The following ZFHX3 variants were observed in gnomAD, a reference collection of about 807,000 sequenced individuals.
ZFHX3 encodes the protein zinc finger homeobox protein 3.
A neutral mutation model predicts 279.1 loss-of-function variants in ZFHX3; 42 were observed. That is an observed-to-expected ratio of 0.15 (90% CI 0.12 to 0.19). ZFHX3 has a LOEUF of 0.19. Ranked by LOEUF, ZFHX3 falls within the 10% of genes least tolerant of loss-of-function variation. ZFHX3 has a pLI of 1.00. For missense variants in ZFHX3, 4,981 were observed against 4,754.0 expected (o/e 1.05, Z -1.40); for synonymous variants, 2,293 against 1,957.8 (o/e 1.17, Z -4.52).
intron 6 of ZFHX3, among the ~76,000 whole-genome samples, chr16:73,140,180 G>A (rs772755924): frequency 6.6e-6 from 1 of 151,660 alleles, no homozygotes; most frequent in African/African-American, 2.4e-5. Flanking sequence ...AGTTGGGAAG[G>A]ATTGCTTAAG....
At chr16:73,689,810 G>GTTTTTTT (rs1567552757) in intron 1 of ZFHX3, among the ~76,000 whole-genome samples, 7 of 149,768 alleles carry the variant, frequency 4.7e-5, no homozygotes, top group Non-Finnish European at 7.4e-5. Flanking sequence ...ACAGTTTTTT[G>GTTTTTTT]TTTTTTGTTT....
intron 3 of ZFHX3, among the ~76,000 whole-genome samples, chr16:73,427,269 G>A (rs890426809): frequency 2.0e-5 from 3 of 152,138 alleles, no homozygotes; most frequent in Admixed American, 1.3e-4. Flanking sequence ...TCATTTGTGA[G>A]TGGTAAGGTC....
chr16:72,785,438 T>G lies in ZFHX3; in HGVS notation c.*1726A>C, dbSNP rs1168549729. The G allele has an allele frequency of 6.6e-6, 1 of 152,664 alleles. No individual in the cohort carries two copies. The highest frequency in any genetic ancestry group is 1.5e-5 in the Non-Finnish European group (1 of 68,034). The allele number at this position is 152,664 out of a possible 1,614,324, so 9.5% of individuals were successfully genotyped here. On this transcript the variant is annotated 3_prime_UTR_variant, in exon 10 of 10. Coordinates refer to ENST00000268489, the MANE Select transcript of ZFHX3 (RefSeq NM_006885.4). Reference sequence around the variant, plus strand: ...AAATGTGTCTTTTGGTATATGGAATTGTCATTAACATTTGCCTCTCTGCTT... The same window carrying G: ...AAATGTGTCTTTTGGTATATGGAATGGTCATTAACATTTGCCTCTCTGCTT...
At chr16:73,543,133 G>A (rs918915905) in intron 2 of ZFHX3, among the ~76,000 whole-genome samples, 1 of 152,268 alleles carries the variant, frequency 6.6e-6, no homozygotes, top group East Asian at 1.9e-4. Flanking sequence ...CTAACAGAGC[G>A]CACACAGGTG....
intron 4 of ZFHX3, among the ~76,000 whole-genome samples, chr16:73,280,611 G>A (rs1189015861): frequency 1.3e-5 from 2 of 152,166 alleles, no homozygotes; most frequent in East Asian, 1.9e-4. Context: ...GCAAGTGTTG[G>A]TGATGATGTG....
intron 1 of ZFHX3, among the ~76,000 whole-genome samples, chr16:73,739,592 G>A (rs2053636496): frequency 6.6e-6 from 1 of 152,312 alleles, no homozygotes; most frequent in Middle Eastern, 3.4e-3. Flanking sequence ...CATGCCTGGT[G>A]AGTCAGTGCC....
upstream of ZFHX3, among the ~76,000 whole-genome samples, chr16:73,050,466 C>T (rs1446481983): frequency 6.6e-6 from 1 of 152,236 alleles, no homozygotes; most frequent in Non-Finnish European, 1.5e-5. Context: ...AATCCACAGG[C>T]AGGTGATCTA....
chr16:73,056,282 C>A (rs1436422016), intron 1 of ZFHX3, among the ~76,000 whole-genome samples: 1 of 152,206 alleles, frequency 6.6e-6, no homozygotes, highest in African/African-American at 2.4e-5. Flanking sequence ...TTCTATCTCT[C>A]TTCTCATACA....
upstream of ZFHX3, among the ~76,000 whole-genome samples, chr16:73,063,915 G>A (rs114363086): frequency 6.6e-6 from 1 of 152,122 alleles, no homozygotes; most frequent in East Asian, 1.9e-4. Context: ...AGGGTCTGAA[G>A]TCCCCTTTTG....
At chr16:73,257,225 C>A (rs1783024995) in intron 4 of ZFHX3, 1 of 152,172 alleles carries the variant, frequency 6.6e-6, no homozygotes, top group African/African-American at 2.4e-5. Context: ...ACATGCTTTC[C>A]ACAAGCTGTT....
chr16:73,078,741 T>C (rs1340721701), intron 8 of ZFHX3, among the ~76,000 whole-genome samples: 1 of 151,890 alleles, frequency 6.6e-6, no homozygotes, highest in Non-Finnish European at 1.5e-5. Context: ...GCCTCCTGGG[T>C]TCACGCCATT....
intron 5 of ZFHX3, among the ~76,000 whole-genome samples, chr16:73,184,109 T>A (rs1967860772): frequency 6.6e-6 from 1 of 152,052 alleles, no homozygotes; most frequent in Non-Finnish European, 1.5e-5. Context: ...CTCCTAGAGG[T>A]ATATGGGCTC....
intron 1 of ZFHX3, among the ~76,000 whole-genome samples, chr16:73,767,156 C>T (rs370382951): frequency 5.3e-5 from 8 of 151,994 alleles, no homozygotes; most frequent in East Asian, 3.9e-4. Context: ...AGGATGGTTT[C>T]GAACTCCTGA....
intron 5 of ZFHX3, among the ~76,000 whole-genome samples, chr16:73,184,806 T>C (rs1261174604): frequency 6.6e-6 from 1 of 152,244 alleles, no homozygotes; most frequent in African/African-American, 2.4e-5. Context: ...GAAAACATAA[T>C]TGTTCCCTTA....
At chr16:73,147,702 A>G (rs1648903712) in intron 5 of ZFHX3, among the ~76,000 whole-genome samples, 1 of 148,046 alleles carries the variant, frequency 6.8e-6, no homozygotes, top group African/African-American at 2.5e-5. Flanking sequence ...AAAAAAAAAA[A>G]AAAAAAAAAA....
chr16:72,839,703 C>T (rs2037296055), intron 4 of ZFHX3, among the ~76,000 whole-genome samples: 1 of 151,450 alleles, frequency 6.6e-6, no homozygotes, highest in Non-Finnish European at 1.5e-5. Context: ...TCAGAATTAA[C>T]CATTTTGTGG....
chr16:73,122,751 A>C (rs1022401303), intron 7 of ZFHX3, among the ~76,000 whole-genome samples: 2 of 152,090 alleles, frequency 1.3e-5, no homozygotes, highest in African/African-American at 4.8e-5. Flanking sequence ...GAAAACACGA[A>C]GTGAGGAGAG....
chr16:73,210,296 C>G (rs188022683), intron 5 of ZFHX3, among the ~76,000 whole-genome samples: 150 of 152,230 alleles, frequency 9.9e-4, no homozygotes, highest in African/African-American at 3.4e-3. Flanking sequence ...AAAATGCCTC[C>G]CCATACAAAC....
At chr16:72,792,458 CT>C (rs768603840) in intron 9 of ZFHX3, among the ~76,000 whole-genome samples, 4 of 149,386 alleles carry the variant, frequency 2.7e-5, no homozygotes, top group South Asian at 2.1e-4. Flanking sequence ...TCTGGTAGTT[CT>C]TTTTTTTTTC....
Sources: allele counts gnomAD v4.1 joint callset (sites outside exome capture counted in the v4.1 genomes callset), GRCh38; gene constraint gnomAD v4.1.1; transcripts MANE v1.5; gene names NCBI Gene and HGNC (gene_info 2026-07-23, HGNC 2026-07-21).